G3BP1: variants seen among roughly 807,000 people sequenced by gnomAD.
G3BP1 encodes the protein ras GTPase-activating protein-binding protein 1.
In G3BP1, 35 loss-of-function variants were observed where a neutral mutation model predicts 58.6. That is an observed-to-expected ratio of 0.60 (90% CI 0.46 to 0.79). The LOEUF is 0.79. Among genes scored for constraint, G3BP1 ranks in the 30% least tolerant of loss-of-function variants. The pLI, the probability that G3BP1 is intolerant of heterozygous loss-of-function variation, is 0.00. For missense variants in G3BP1, 523 were observed against 580.8 expected (o/e 0.90, Z 1.02); for synonymous variants, 191 against 195.4 (o/e 0.98, Z 0.19).
At position 151,810,819 on chromosome 5, in the gene G3BP1, G is replaced by A. The variant is rs1015413522; in HGVS notation, c.*6728G>A. 3.3e-5 allele frequency: 5 copies of A among 151,624 alleles called. No individual in the cohort carries two copies. The highest frequency in any genetic ancestry group is 1.2e-4 in the African/African-American group (5 of 41,218). 9.4% of individuals were successfully genotyped at this position (151,624 alleles called of 1,614,324 possible). A position where few individuals can be genotyped will look rare whatever the true frequency, so the allele number is the denominator to read the frequency against. ...CTATACCATTTCAGTGGAGAAAATT[G>A]TTGGGAAATTTGGGGGGATGGATAT... On this transcript the variant is annotated 3_prime_UTR_variant, in exon 12 of 12. Transcript: ENST00000356245.
intron 6 of G3BP1, 74 bp from the exon 7 acceptor site, chr5:151,797,153 T>G (rs923449693): frequency 2.1e-6 from 3 of 1,438,704 alleles, no homozygotes; most frequent in Non-Finnish European, 2.9e-6. Flanking sequence ...TGGTTTCTGA[T>G]TAATAAATGA....
intron 7 of G3BP1, 29 bp downstream of exon 7, chr5:151,797,457 A>T: frequency 2.6e-6 from 4 of 1,562,328 alleles, no homozygotes; most frequent in Non-Finnish European, 3.5e-6. Flanking sequence ...TTTTTATTCT[A>T]TTCCTAGTTA....
intron 11 of G3BP1, among the ~76,000 whole-genome samples, chr5:151,803,615 C>T (rs1762893495): frequency 1.3e-5 from 2 of 152,096 alleles, no homozygotes; most frequent in African/African-American, 4.8e-5. Context: ...GCCTCAGCCT[C>T]CTTGAATAGC....
Position 151,771,965 on chromosome 5 carries a change from G to C in G3BP1, c.-121G>C, listed in dbSNP as rs541759633. 2.6e-5 allele frequency: 4 copies of C among 152,548 alleles called. No individual in the cohort carries two copies. Among genetic ancestry groups the C allele is most frequent in the African/African-American group, 7.2e-5 (3 of 41,600 alleles). The allele number at this position is 152,548 out of a possible 1,614,324, so 9.4% of individuals were successfully genotyped here. On this transcript the variant is annotated 5_prime_UTR_variant, in exon 1 of 12. Coordinates refer to ENST00000356245, the MANE Select transcript of G3BP1 (RefSeq NM_005754.3). ...CGGAGCACGCGTGTGTGCGGACGCAGTTGCGTGAGGGGTTTGTACTATCCT... is the reference window on the plus strand; with the variant it reads ...CGGAGCACGCGTGTGTGCGGACGCACTTGCGTGAGGGGTTTGTACTATCCT...
chr5:151,790,837 A>T, intron 3 of G3BP1, 52 bp from the exon 4 acceptor site: 1 of 1,085,548 alleles, frequency 9.2e-7, no homozygotes, highest in Non-Finnish European at 1.3e-6. Context: ...GAGGTTATTT[A>T]AATTTTAAGG....
chr5:151,797,373 A>G lies in G3BP1; in HGVS notation c.686A>G (p.Lys229Arg). The change falls in exon 7 of 12, where the codon AAG (lysine) becomes AGG (arginine). Residue 229 changes from lysine (K) to arginine (R), a missense_variant. Physicochemically the swap from Lys to Arg is conservative, Grantham distance 26. Coordinates refer to ENST00000356245, the MANE Select transcript of G3BP1 (RefSeq NM_005754.3). Reference protein sequence around the residue: ...LEETAPEDAQKSSSPAPADIA... With the variant: ...LEETAPEDAQRSSSPAPADIA... ...GAAACTGCCCCTGAGGATGCTCAGA[A>G]GAGTTCTTCTCCAGCACCTGCAGAC... 6.2e-7 allele frequency: 1 copy of G among 1,613,958 alleles called. No homozygotes were observed. Among genetic ancestry groups the G allele is most frequent in the Non-Finnish European group, 8.5e-7 (1 of 1,179,822 alleles).
chr5:151,775,463 T>A (rs185209065), intron 1 of G3BP1, among the ~76,000 whole-genome samples: 23 of 152,396 alleles, frequency 1.5e-4, no homozygotes, highest in Non-Finnish European at 2.5e-4. Flanking sequence ...GAAAAGCATG[T>A]GGTACCTAAT....
intron 5 of G3BP1, 110 bp from the exon 6 acceptor site, chr5:151,795,365 CTTTG>C (rs1561535756): frequency 3.2e-6 from 2 of 634,794 alleles, no homozygotes; most frequent in Non-Finnish European, 2.8e-6. Flanking sequence ...AATTGTCCTA[CTTTG>C]TTTATTTATA....
chr5:151,785,209 A>G (rs1256204034), intron 1 of G3BP1, among the ~76,000 whole-genome samples: 2 of 152,212 alleles, frequency 1.3e-5, no homozygotes, highest in Non-Finnish European at 2.9e-5. Context: ...TGATATGCTC[A>G]ATACACATGC....
At position 151,809,592 on chromosome 5, in the gene G3BP1, G is replaced by A. The variant is rs1293983820; in HGVS notation, c.*5501G>A. 1 of 152,058 alleles carries A rather than the reference G, an allele frequency of 6.6e-6. No homozygotes were observed. 9.4% of individuals were successfully genotyped at this position (152,058 alleles called of 1,614,324 possible). ...AACAGAGAAACTCTCAGAATTCTTT[G>A]AATCATAGAATGTTAGTGCTGGAAA... On this transcript the variant is annotated 3_prime_UTR_variant, in exon 12 of 12. Coordinates refer to ENST00000356245, the MANE Select transcript of G3BP1 (RefSeq NM_005754.3).
chr5:151,793,852 GAAAAA>G lies in G3BP1; in HGVS notation c.352-305_352-301del, dbSNP rs1015720578. Among the ~76,000 whole-genome samples, 9 of 132,832 alleles carry G rather than the reference GAAAAA, an allele frequency of 6.8e-5. No homozygotes were observed. The East Asian group carries it at 2.0e-3, about 29-fold the overall frequency. 87.1% of individuals were successfully genotyped at this position (132,832 alleles called of 152,430 possible). A position where few individuals can be genotyped will look rare whatever the true frequency, so the allele number is the denominator to read the frequency against. On this transcript the variant is annotated intron_variant, in intron 4 of 11. Coordinates refer to ENST00000356245, the MANE Select transcript of G3BP1 (RefSeq NM_005754.3). ...TACTCAAAAAAAAAAAAAAAAAAAA[GAAAAA>G]AGAGAAATTAGCCTTGCATGGTGGC...
chr5:151,790,381 GC>G lies in G3BP1; in HGVS notation c.155del (p.Ala52GlufsTer14). On this transcript the variant is annotated frameshift_variant, in exon 3 of 12. Transcript: ENST00000356245. LOFTEE classifies it high-confidence loss of function. ...HGGLDSNGKP[A>X]DAVYGQKEIH... ...GGGATTGGATTCAAATGGAAAGCCA[GC>G]AGATGCAGTCTACGGACAGAAAGTA... The G allele has an allele frequency of 6.3e-7, 1 of 1,583,872 alleles. No individual in the cohort carries two copies. Among genetic ancestry groups the G allele is most frequent in the African/African-American group, 1.4e-5 (1 of 73,280 alleles).
chr5:151,801,854 A>T (rs1762858140), intron 11 of G3BP1, among the ~76,000 whole-genome samples: 1 of 150,882 alleles, frequency 6.6e-6, no homozygotes, highest in Non-Finnish European at 1.5e-5. Flanking sequence ...TCTCTCTGCC[A>T]CCCAGGCTGG....
At chr5:151,797,169 G>GAATTTTTTGTGA in intron 6 of G3BP1, 58 bp from the exon 7 acceptor site, 1 of 1,552,262 alleles carries the variant, frequency 6.4e-7, no homozygotes, top group South Asian at 1.2e-5. Context: ...AATGATGGAG[G>GAATTTTTTGTGA]AATTTTTTGT....
rs562596559 is a variant in G3BP1, at chr5:151,809,730, T to G, written c.*5639T>G. 2 of 152,174 alleles carry G rather than the reference T, an allele frequency of 1.3e-5. No individual in the cohort carries two copies. The highest frequency in any genetic ancestry group is 2.4e-5 in the African/African-American group (1 of 41,436). 9.4% of individuals were successfully genotyped at this position (152,174 alleles called of 1,614,324 possible). A position where few individuals can be genotyped will look rare whatever the true frequency, so the allele number is the denominator to read the frequency against. On this transcript the variant is annotated 3_prime_UTR_variant, in exon 12 of 12. Transcript: ENST00000356245. The stretch of plus-strand genomic sequence containing the variant: ...TAATATGGTGATCATCAGTTTAGAT[T>G]CACTGTAGGAAGGGCAGCCCTGTTA...
At chr5:151,786,905 C>G (rs1433302302) in intron 2 of G3BP1, 190 bp downstream of exon 2, 2 of 430,244 alleles carry the variant, frequency 4.6e-6, no homozygotes, top group Non-Finnish European at 8.3e-6. Context: ...TGCAGTGGTG[C>G]GATCTGGACT....
chr5:151,804,379 G>T lies in G3BP1; in HGVS notation c.*288G>T. On this transcript the variant is annotated 3_prime_UTR_variant, in exon 12 of 12. Transcript: ENST00000356245. Reference sequence around the variant, plus strand: ...TTTCCTTGCTTACTTTGCATATACAGACTGGATTTTTTTTTTTTTTTTACA... The same window carrying T: ...TTTCCTTGCTTACTTTGCATATACATACTGGATTTTTTTTTTTTTTTTACA... The T allele has an allele frequency of 3.5e-6, 1 of 285,070 alleles. No homozygotes were observed. Among genetic ancestry groups the T allele is most frequent in the South Asian group, 1.6e-4 (1 of 6,282 alleles). The allele number at this position is 285,070 out of a possible 1,614,324, so 17.7% of individuals were successfully genotyped here. A position where few individuals can be genotyped will look rare whatever the true frequency, so the allele number is the denominator to read the frequency against.
rs571886541 is a variant in G3BP1 at position 151,790,223 on chromosome 5, C to A, written c.96-100C>A. On this transcript the variant is annotated intron_variant, in intron 2 of 11. Coordinates refer to ENST00000356245, the MANE Select transcript of G3BP1 (RefSeq NM_005754.3). ...TCCAGCCTGGGTGACAGAATGAGAC[C>A]CCGTTGCAAAAAAAAAAAAAAAAGT... The A allele has an allele frequency of 1.0e-3, 576 of 574,120 alleles. 2 individuals carry two copies. In the African/African-American group the frequency reaches 0.011, roughly 11 times the overall value. 35.6% of individuals were successfully genotyped at this position (574,120 alleles called of 1,614,324 possible).
intron 1 of G3BP1, among the ~76,000 whole-genome samples, chr5:151,782,562 T>A (rs1762485693): frequency 6.6e-6 from 1 of 152,186 alleles, no homozygotes; most frequent in East Asian, 1.9e-4. Flanking sequence ...TCCATTGGTG[T>A]ATGCTGTTAT....
Sources: gnomAD v4.1 joint callset for allele counts (sites outside exome capture counted in the v4.1 genomes callset) on GRCh38, gnomAD v4.1.1 for gene constraint, MANE v1.5 for transcripts, NCBI Gene and HGNC (gene_info 2026-07-23, HGNC 2026-07-21) for gene names.